The following PTPN4 variants were observed in gnomAD, a reference collection of about 807,000 sequenced individuals.
The protein encoded by PTPN4 is tyrosine-protein phosphatase non-receptor type 4.
A neutral mutation model predicts 135.5 loss-of-function variants in PTPN4; 49 were observed. The observed-to-expected ratio is 0.36, with a 90% CI of 0.29 to 0.46. PTPN4 has a LOEUF of 0.46. Ranked by LOEUF, PTPN4 falls within the 20% of genes least tolerant of loss-of-function variation. PTPN4 has a pLI of 1.00. For synonymous variants in PTPN4, 333 were observed against 369.9 expected, an observed-to-expected ratio of 0.90 and a Z score of 1.14; for missense variants, 860 against 1,101.0, an observed-to-expected ratio of 0.78 and a Z score of 3.10.
At chr2:119,823,587 C>G (rs769579080) in intron 2 of PTPN4, among the ~76,000 whole-genome samples, 1 of 152,144 alleles carries the variant, frequency 6.6e-6, no homozygotes, top group Non-Finnish European at 1.5e-5. Context: ...TCTTTTGTAT[C>G]TTTTCACTTT....
At chr2:119,886,012 C>G in intron 9 of PTPN4, 130 bp downstream of exon 9, 1 of 589,190 alleles carries the variant, frequency 1.7e-6, no homozygotes. Flanking sequence ...AAAATTTCCT[C>G]TGAATTTAAG....
At chr2:119,939,855 A>G (rs578253902) in intron 15 of PTPN4, among the ~76,000 whole-genome samples, 1 of 152,314 alleles carries the variant, frequency 6.6e-6, no homozygotes, top group African/African-American at 2.4e-5. Context: ...TTCAAATACT[A>G]GGCTATTCTA....
intron 2 of PTPN4, among the ~76,000 whole-genome samples, chr2:119,860,686 C>T (rs1472746855): frequency 6.6e-6 from 1 of 152,208 alleles, no homozygotes; most frequent in Non-Finnish European, 1.5e-5. Context: ...TTGCTATTCT[C>T]TACCATATCC....
chr2:119,761,845 G>A (rs373381599), intron 1 of PTPN4, among the ~76,000 whole-genome samples: 220 of 152,250 alleles, frequency 1.4e-3, no homozygotes, highest in African/African-American at 4.7e-3. Flanking sequence ...AATATTAATT[G>A]AGTAGGTCCA....
intron 10 of PTPN4, among the ~76,000 whole-genome samples, chr2:119,904,681 C>G (rs1678458835): frequency 2.0e-5 from 3 of 152,200 alleles, no homozygotes; most frequent in Non-Finnish European, 4.4e-5. Flanking sequence ...GAATCTCCAT[C>G]AGACCAATGG....
At chr2:119,792,718 T>C (rs1691170889) in intron 1 of PTPN4, among the ~76,000 whole-genome samples, 1 of 152,210 alleles carries the variant, frequency 6.6e-6, no homozygotes, top group African/African-American at 2.4e-5. Flanking sequence ...GGTTCTTTTC[T>C]ATTTTCCCTA....
chr2:119,947,033 A>G (rs1340026336), intron 18 of PTPN4, among the ~76,000 whole-genome samples: 1 of 152,154 alleles, frequency 6.6e-6, no homozygotes, highest in Admixed American at 6.5e-5. Context: ...AGTAGAGAAA[A>G]CTTATATATC....
At chr2:119,812,237 G>A (rs940153523) in intron 2 of PTPN4, among the ~76,000 whole-genome samples, 8 of 152,114 alleles carry the variant, frequency 5.3e-5, no homozygotes, top group Admixed American at 4.6e-4. Flanking sequence ...CTAATTGGGG[G>A]TTTGAAAGTT....
intron 14 of PTPN4, 64 bp downstream of exon 14, chr2:119,932,613 A>G: frequency 2.0e-6 from 3 of 1,478,206 alleles, no homozygotes; most frequent in Non-Finnish European, 2.7e-6. Flanking sequence ...TATTGGCTGT[A>G]TATTTTTATG....
chr2:119,894,892 A>G (rs1678296665), intron 9 of PTPN4, among the ~76,000 whole-genome samples: 1 of 152,252 alleles, frequency 6.6e-6, no homozygotes, highest in African/African-American at 2.4e-5. Context: ...ATTAAAAATA[A>G]CTATTTTTTG....
At position 119,932,558 on chromosome 2, in the gene PTPN4, G is replaced by T; in HGVS notation, c.1196+9G>T. 1 of 1,590,306 alleles carries T rather than the reference G, an allele frequency of 6.3e-7. No homozygotes were observed. The highest frequency in any genetic ancestry group is 8.6e-7 in the Non-Finnish European group (1 of 1,169,342). On this transcript the variant is annotated intron_variant, in intron 14 of 26. Transcript: ENST00000263708. Reference sequence around the variant, plus strand: ...CCGGGAACTCCTAATCAGTAAGTGTGAATTTTGTGACCAACATCAGGTGTG... The same window carrying T: ...CCGGGAACTCCTAATCAGTAAGTGTTAATTTTGTGACCAACATCAGGTGTG...
chr2:119,858,079 C>T (rs1677708129), intron 2 of PTPN4, among the ~76,000 whole-genome samples: 1 of 152,240 alleles, frequency 6.6e-6, no homozygotes, highest in Non-Finnish European at 1.5e-5. Context: ...CCTGCTTCCA[C>T]TTTGCCTTCT....
In PTPN4 at chr2:119,848,153, A is replaced by AT. The variant is rs1307130641; in HGVS notation, c.139-14373dup. On this transcript the variant is annotated intron_variant, in intron 2 of 26. Coordinates refer to ENST00000263708, the MANE Select transcript of PTPN4 (RefSeq NM_002830.4). ...TTGGGAAGTTCACATCCACATTTCT[A>AT]TTTTTTTTTTCTCCTTTTTCTTTTT... 1.6e-3 allele frequency among the ~76,000 whole-genome samples: 202 copies of AT among 125,022 alleles called. 1 individual carries two copies. In the East Asian group the frequency reaches 0.031, roughly 19 times the overall value. The allele number at this position is 125,022 out of a possible 152,430, so 82.0% of individuals were successfully genotyped here.
chr2:119,840,146 G>A (rs1266940521), intron 2 of PTPN4, among the ~76,000 whole-genome samples: 5 of 151,988 alleles, frequency 3.3e-5, no homozygotes, highest in African/African-American at 1.2e-4. Context: ...AGCGATACAC[G>A]TGCAGGTTTG....
At chr2:119,779,542 G>A (rs561966876) in intron 1 of PTPN4, among the ~76,000 whole-genome samples, 28 of 151,860 alleles carry the variant, frequency 1.8e-4, no homozygotes, top group Middle Eastern at 3.4e-3. Flanking sequence ...GTGTGAACCC[G>A]GGAGGCGGAG....
intron 13 of PTPN4, among the ~76,000 whole-genome samples, chr2:119,929,045 A>G (rs535069026): frequency 6.4e-4 from 97 of 152,266 alleles, no homozygotes; most frequent in African/African-American, 2.3e-3. Context: ...ACAAATAGCC[A>G]TGATTCCGTG....
chr2:119,773,925 CATA>C (rs938543183), intron 1 of PTPN4, among the ~76,000 whole-genome samples: 3 of 152,102 alleles, frequency 2.0e-5, no homozygotes, highest in African/African-American at 7.2e-5. Context: ...TGTGAAAAAA[CATA>C]ATGATGCAGT....
rs1679631809 is a variant in PTPN4 at position 119,977,257 on chromosome 2, A to C, written c.*187A>C. The C allele has an allele frequency of 8.5e-6, 8 of 939,564 alleles. No individual in the cohort carries two copies. The highest frequency in any genetic ancestry group is 1.1e-5 in the Non-Finnish European group (8 of 706,996). The allele number at this position is 939,564 out of a possible 1,614,324, so 58.2% of individuals were successfully genotyped here. ...GTCACTCTTTCAAAATCTATAACTC[A>C]TGTATTTGAAGACTGTTTCATGCTT... is the stretch of plus-strand genomic sequence containing the variant. On this transcript the variant is annotated 3_prime_UTR_variant, in exon 27 of 27. Transcript: ENST00000263708.
intron 26 of PTPN4, among the ~76,000 whole-genome samples, chr2:119,971,338 TCACCTCC>T (rs1350458993): frequency 1.3e-5 from 2 of 152,318 alleles, no homozygotes; most frequent in East Asian, 3.9e-4. Flanking sequence ...CATTATTCAG[TCACCTCC>T]CACAAGGCCT....
Sources: gnomAD v4.1 joint callset for allele counts (sites outside exome capture counted in the v4.1 genomes callset) on GRCh38, gnomAD v4.1.1 for gene constraint, MANE v1.5 for transcripts, NCBI Gene and HGNC (gene_info 2026-07-23, HGNC 2026-07-21) for gene names.